MECOM: variants seen among roughly 807,000 people sequenced by gnomAD.
MECOM encodes the protein MDS1 and EVI1 complex locus, also known as histone-lysine N-methyltransferase MECOM.
MECOM carries 13 observed loss-of-function variants against 116.3 expected under a neutral mutation model. The observed-to-expected ratio is 0.11, with a 90% CI of 0.07 to 0.18. MECOM has a LOEUF of 0.18. MECOM is among the 10% of genes least tolerant of loss of function. MECOM has a pLI of 1.00. For missense variants in MECOM, 1,299 were observed against 1,509.0 expected (o/e 0.86, Z 2.31); for synonymous variants, 528 against 535.2 (o/e 0.99, Z 0.19).
At chr3:169,656,461 T>G (rs1184063486) in intron 1 of MECOM, among the ~76,000 whole-genome samples, 1 of 152,160 alleles carries the variant, frequency 6.6e-6, no homozygotes, top group East Asian at 1.9e-4. Context: ...TGAGTGCTTT[T>G]GAAGAGTCAG....
intron 1 of MECOM, among the ~76,000 whole-genome samples, chr3:169,447,498 C>A (rs925141759): frequency 6.6e-6 from 1 of 152,016 alleles, no homozygotes; most frequent in Non-Finnish European, 1.5e-5. Flanking sequence ...AGAATCATAC[C>A]TTTCTCATTG....
intron 2 of MECOM, among the ~76,000 whole-genome samples, chr3:169,172,274 A>C (rs560654409): frequency 7.4e-4 from 112 of 151,322 alleles, no homozygotes; most frequent in African/African-American, 2.6e-3. Flanking sequence ...TTGTTTTTTT[A>C]CAGTTTATTA....
chr3:169,139,168 C>T (rs1187591907), intron 3 of MECOM, among the ~76,000 whole-genome samples: 1 of 152,114 alleles, frequency 6.6e-6, no homozygotes, highest in Non-Finnish European at 1.5e-5. Context: ...TCTTCTGTAA[C>T]TCATTTCTTC....
Position 169,116,609 on chromosome 3 carries a change from A to G in MECOM, c.1263T>C (p.Asn421=), listed in dbSNP as rs768669154. Residue 421 remains asparagine (N), a synonymous_variant, in exon 8 of 17, where the codon AAT becomes AAC. Transcript: ENST00000651503. ...TGCCCTCACAAAACCTCCTGTGTTT[A>G]TTTAAGGAAGACGTAGTGCTGAACA... is the stretch of plus-strand genomic sequence containing the variant. The part of the protein sequence containing the change: ...GQMFSTTSSL[N]KHRRFCEGKN... 42 of 1,614,086 alleles carry G rather than the reference A, an allele frequency of 2.6e-5. No individual in the cohort carries two copies. The highest frequency in any genetic ancestry group is 3.4e-5 in the Non-Finnish European group (40 of 1,180,038).
At chr3:169,128,206 A>G in intron 4 of MECOM, 146 bp from the exon 5 acceptor site, 2 of 708,914 alleles carry the variant, frequency 2.8e-6, no homozygotes, top group South Asian at 1.8e-5. Flanking sequence ...TAGAAATATC[A>G]TATGTAAAGA....
At chr3:169,459,013 A>T (rs1746989421) in intron 1 of MECOM, among the ~76,000 whole-genome samples, 1 of 148,106 alleles carries the variant, frequency 6.8e-6, no homozygotes, top group Admixed American at 6.8e-5. Context: ...ATTCCCTTAC[A>T]CAAAAGCCGA....
chr3:169,419,295 AT>A (rs1739294031), intron 1 of MECOM, among the ~76,000 whole-genome samples: 1 of 152,202 alleles, frequency 6.6e-6, no homozygotes, highest in African/African-American at 2.4e-5. Flanking sequence ...GGAAGAATCA[AT>A]ATCATAAAAA....
intron 1 of MECOM, among the ~76,000 whole-genome samples, chr3:169,590,658 A>C (rs1422561993): frequency 6.6e-6 from 1 of 152,238 alleles, no homozygotes; most frequent in Non-Finnish European, 1.5e-5. Context: ...ACAAATCAAC[A>C]GTGTGATTCT....
intron 1 of MECOM, among the ~76,000 whole-genome samples, chr3:169,553,785 T>C (rs1244938066): frequency 2.0e-5 from 3 of 152,246 alleles, no homozygotes; most frequent in South Asian, 2.1e-4. Context: ...TCTCTGTGTG[T>C]ACACACATCT....
chr3:169,131,239 A>G (rs1469948286), intron 4 of MECOM, among the ~76,000 whole-genome samples, 190 bp downstream of exon 4: 2 of 152,238 alleles, frequency 1.3e-5, no homozygotes, highest in Admixed American at 6.5e-5. Flanking sequence ...ACCTCTGCTT[A>G]CTTCAGCTTC....
chr3:169,653,755 T>C (rs1775199580), intron 1 of MECOM, among the ~76,000 whole-genome samples: 1 of 152,168 alleles, frequency 6.6e-6, no homozygotes, highest in Admixed American at 6.5e-5. Context: ...ATTAGTTTGA[T>C]CAAATCCTCA....
chr3:169,630,739 T>C (rs1484767793), intron 1 of MECOM, among the ~76,000 whole-genome samples: 1 of 152,206 alleles, frequency 6.6e-6, no homozygotes, highest in Non-Finnish European at 1.5e-5. Context: ...TTGTTGATGT[T>C]ATTTTGCTTT....
intron 1 of MECOM, among the ~76,000 whole-genome samples, chr3:169,462,979 A>G (rs559267730): frequency 6.6e-6 from 1 of 152,332 alleles, no homozygotes; most frequent in South Asian, 2.1e-4. Flanking sequence ...TTCAAAGCCC[A>G]GTTCAATAGG....
chr3:169,609,536 G>C (rs1313408584), intron 1 of MECOM, among the ~76,000 whole-genome samples: 4 of 151,640 alleles, frequency 2.6e-5, no homozygotes, highest in African/African-American at 9.7e-5. Flanking sequence ...ATAAGCTAAA[G>C]CAGATTGGTG....
intron 2 of MECOM, among the ~76,000 whole-genome samples, chr3:169,316,450 A>T (rs1248568551): frequency 6.6e-6 from 1 of 152,226 alleles, no homozygotes; most frequent in Non-Finnish European, 1.5e-5. Flanking sequence ...TGATGATTTT[A>T]TATTGTGTCT....
At chr3:169,482,963 T>C (rs1335691364) in intron 1 of MECOM, among the ~76,000 whole-genome samples, 1 of 152,210 alleles carries the variant, frequency 6.6e-6, no homozygotes, top group East Asian at 1.9e-4. Flanking sequence ...TCAAGATTAA[T>C]TGTTCCTGTA....
chr3:169,451,947 T>G (rs1745674400), intron 1 of MECOM, among the ~76,000 whole-genome samples: 2 of 151,862 alleles, frequency 1.3e-5, no homozygotes, highest in African/African-American at 4.8e-5. Context: ...GGAACTGTTT[T>G]TCTCCTTACT....
At chr3:169,543,611 A>G (rs1005254864) in intron 1 of MECOM, among the ~76,000 whole-genome samples, 1 of 152,214 alleles carries the variant, frequency 6.6e-6, no homozygotes, top group Non-Finnish European at 1.5e-5. Flanking sequence ...TTTCAATTTA[A>G]AAGTAATTCC....
intron 1 of MECOM, among the ~76,000 whole-genome samples, chr3:169,502,279 A>C (rs1754635371): frequency 6.6e-6 from 1 of 152,154 alleles, no homozygotes. Context: ...GCTTGCACAG[A>C]GAAATAAAGA....
Sources: allele counts gnomAD v4.1 joint callset (sites outside exome capture counted in the v4.1 genomes callset), GRCh38; gene constraint gnomAD v4.1.1; transcripts MANE v1.5; gene names NCBI Gene and HGNC (gene_info 2026-07-23, HGNC 2026-07-21).